The following SNAPC2 variants were observed in gnomAD, a reference collection of about 807,000 sequenced individuals.
SNAPC2 encodes snRNA-activating protein complex subunit 2.
SNAPC2 carries 27 observed loss-of-function variants against 22.9 expected under a neutral mutation model. The ratio of observed to expected loss-of-function variants is 1.18; its 90% CI spans 0.87 to 1.63. The LOEUF (loss-of-function observed/expected upper bound fraction) is 1.63. Ranked by LOEUF, SNAPC2 falls within the 40% of genes most tolerant of loss-of-function variation. The pLI is 0.00. For missense variants in SNAPC2, 570 were observed against 449.1 expected, an observed-to-expected ratio of 1.27 and a Z score of -2.43; for synonymous variants, 272 against 201.0, an observed-to-expected ratio of 1.35 and a Z score of -2.99.
rs1405600865 is a variant in SNAPC2, at chr19:7,922,085, C to T, written c.423C>T (p.Pro141=). ...TEPVTLLHSK[P]PKPTQARGKP... ...CGGTCACCCTCCTGCACTCCAAGCC[C>T]CCCAAGCCCACGCAGGCCCGTGGAA... Residue 141 remains proline, a synonymous_variant, in exon 4 of 5, where the codon CCC becomes CCT. Transcript: ENST00000221573. 2 of 1,613,758 alleles carry T rather than the reference C, an allele frequency of 1.2e-6. No individual in the cohort carries two copies. The highest frequency in any genetic ancestry group is 1.7e-5 in the Admixed American group (1 of 59,970).
At chr19:7,921,824 A>G (rs1260048154) in intron 3 of SNAPC2, 51 bp downstream of exon 3, 3 of 1,573,004 alleles carry the variant, frequency 1.9e-6, no homozygotes, top group Non-Finnish European at 1.7e-6. Context: ...ACAGGGTCAC[A>G]TGGGCCAAAT....
chr19:7,921,140 G>A (rs1599640140), intron 1 of SNAPC2: 3 of 1,361,438 alleles, frequency 2.2e-6, no homozygotes, highest in Non-Finnish European at 2.8e-6. Flanking sequence ...ATAGAGAAGA[G>A]GGGACGAAGA....
In SNAPC2 at chr19:7,922,593, A is replaced by G. The variant is rs576909247; in HGVS notation, c.834A>G (p.Ala278=). Residue 278 remains alanine (A), a synonymous_variant, in exon 5 of 5, where the codon GCA becomes GCG. Transcript: ENST00000221573. Reference sequence around the variant, plus strand: ...CCGCTGGAGGGAGCCTGGGGCCTGCAGCAGAAGGGGATGGGGCTGGCTCCA... The same window carrying G: ...CCGCTGGAGGGAGCCTGGGGCCTGCGGCAGAAGGGGATGGGGCTGGCTCCA... ...PIPAGGSLGP[A]AEGDGAGSKA... is the part of the protein sequence containing the mutation. 2.1e-4 allele frequency: 335 copies of G among 1,613,590 alleles called. 4 individuals are homozygous for G. The South Asian group carries it at 3.5e-3, about 17-fold the overall frequency.
At position 7,920,519 on chromosome 19, in the gene SNAPC2, C is replaced by A. The variant is rs969730084; in HGVS notation, c.153C>A (p.Ala51=). The part of the protein sequence containing the change: ...GQPEPDATEL[A]RELRGRSEAE... Reference sequence around the variant, plus strand: ...CGGAGCCGGACGCCACCGAGCTGGCCCGGGAGCTGCGGGGCCGGAGCGAGG... The same window carrying A: ...CGGAGCCGGACGCCACCGAGCTGGCACGGGAGCTGCGGGGCCGGAGCGAGG... Residue 51 remains alanine (A), a synonymous_variant, in exon 1 of 5, where the codon GCC becomes GCA. Transcript: ENST00000221573. The A allele has an allele frequency of 6.9e-7, 1 of 1,455,146 alleles. No homozygotes were observed. Among genetic ancestry groups the A allele is most frequent in the Non-Finnish European group, 9.0e-7 (1 of 1,112,768 alleles). The allele number at this position is 1,455,146 out of a possible 1,614,324, so 90.1% of individuals were successfully genotyped here.
chr19:7,921,097 G>A (rs1983554614), intron 1 of SNAPC2: 2 of 1,252,288 alleles, frequency 1.6e-6, no homozygotes, highest in African/African-American at 1.6e-5. Context: ...AACGCATGCT[G>A]TTGGACAGGA....
In SNAPC2 at chr19:7,920,501, G is replaced by A; in HGVS notation, c.135G>A (p.Pro45=). ...LLQARQGQPE[P]DATELARELR... is the part of the protein sequence containing the mutation. ...AGGCGCGGCAGGGCCAGCCGGAGCCGGACGCCACCGAGCTGGCCCGGGAGC... is the reference window on the plus strand; with the variant it reads ...AGGCGCGGCAGGGCCAGCCGGAGCCAGACGCCACCGAGCTGGCCCGGGAGC... Residue 45 remains proline, a synonymous_variant, in exon 1 of 5, where the codon CCG becomes CCA. Transcript: ENST00000221573. 6.7e-7 allele frequency: 1 copy of A among 1,497,328 alleles called. No homozygotes were observed. Among genetic ancestry groups the A allele is most frequent in the Non-Finnish European group, 8.8e-7 (1 of 1,131,366 alleles). 92.8% of individuals were successfully genotyped at this position (1,497,328 alleles called of 1,614,324 possible).
chr19:7,922,388 G>A (rs1191847379), intron 4 of SNAPC2, 41 bp downstream of exon 4: 4 of 1,596,170 alleles, frequency 2.5e-6, no homozygotes, highest in South Asian at 1.1e-5. Flanking sequence ...GAGGGATCAA[G>A]GGTCCCTGGC....
chr19:7,920,420 G>A lies in SNAPC2; in HGVS notation c.54G>A (p.Val18=), dbSNP rs1465258043. ...CCCCGGCGCGCTATCTGGGCGAGGT[G>A]ACCGGTCCCGCGACCTGGAGCGCTC... ...RAAPARYLGE[V]TGPATWSARE... is the part of the protein sequence containing the mutation. Residue 18 remains valine (V), a synonymous_variant, in exon 1 of 5, where the codon GTG becomes GTA. Transcript: ENST00000221573. The A allele has an allele frequency of 3.2e-6, 5 of 1,579,718 alleles. No individual in the cohort carries two copies. The highest frequency in any genetic ancestry group is 4.3e-6 in the Non-Finnish European group (5 of 1,171,116).
At position 7,922,666 on chromosome 19, in the gene SNAPC2, G is replaced by T. The variant is rs773946653; in HGVS notation, c.907G>T (p.Glu303Ter). The change falls in exon 5 of 5, where the codon GAA becomes TAA. Residue 303 changes from glutamate to a stop codon, truncating the protein, a stop_gained. Transcript: ENST00000221573. LOFTEE classifies it high-confidence loss of function. ...PPATEKAEHS[E>*]LKSPWQAAGI... ...AGCCACCGAGAAGGCCGAGCACAGC[G>T]AACTGAAATCGCCTTGGCAAGCAGC... 3 of 1,613,582 alleles carry T rather than the reference G, an allele frequency of 1.9e-6. No homozygotes were observed. The highest frequency in any genetic ancestry group is 2.5e-6 in the Non-Finnish European group (3 of 1,179,934).
Position 7,922,433 on chromosome 19 carries a change from A to T in SNAPC2, c.686-12A>T. Reference sequence around the variant, plus strand: ...GGGTGTCCCCTTACCCCTCTCCTCCATCCATCACTAGAGTCCGCTGTGGTC... The same window carrying T: ...GGGTGTCCCCTTACCCCTCTCCTCCTTCCATCACTAGAGTCCGCTGTGGTC... On this transcript the variant is annotated splice_polypyrimidine_tract_variant and intron_variant, in intron 4 of 4. Coordinates refer to ENST00000221573, the MANE Select transcript of SNAPC2 (RefSeq NM_003083.4). The T allele has an allele frequency of 1.9e-6, 3 of 1,581,982 alleles. No homozygotes were observed. The highest frequency in any genetic ancestry group is 2.6e-6 in the Non-Finnish European group (3 of 1,161,876).
chr19:7,920,560 GT>G lies in SNAPC2; in HGVS notation c.183+13del. On this transcript the variant is annotated intron_variant, in intron 1 of 4. Transcript: ENST00000221573. ...CGGAGCGAGGCTGAGGTGAGATGCG[GT>G]TCTCGGGACCGGAGCCAGGCTGGAG... The G allele has an allele frequency of 2.4e-6, 3 of 1,261,560 alleles. No homozygotes were observed. The highest frequency in any genetic ancestry group is 3.1e-6 in the Non-Finnish European group (3 of 978,456). The allele number at this position is 1,261,560 out of a possible 1,614,324, so 78.1% of individuals were successfully genotyped here. A position where few individuals can be genotyped will look rare whatever the true frequency, so the allele number is the denominator to read the frequency against.
At chr19:7,921,043 G>T in intron 1 of SNAPC2, 3 of 1,162,568 alleles carry the variant, frequency 2.6e-6, no homozygotes, top group Non-Finnish European at 3.2e-6. Context: ...CTAAACGGGC[G>T]GAATGAACTG....
chr19:7,921,302 G>C, intron 1 of SNAPC2, 121 bp from the exon 2 acceptor site: 1 of 1,528,726 alleles, frequency 6.5e-7, no homozygotes. Flanking sequence ...CCTAACACCG[G>C]GCCAGCAGGA....
At chr19:7,921,920 C>T (rs1474126342) in intron 3 of SNAPC2, 115 bp from the exon 4 acceptor site, 1 of 1,403,274 alleles carries the variant, frequency 7.1e-7, no homozygotes, top group Non-Finnish European at 9.9e-7. Context: ...GTCCCTGGCT[C>T]TGAGGCCATC....
Position 7,922,331 on chromosome 19 carries a change from C to G in SNAPC2, c.669C>G (p.Pro223=), listed in dbSNP as rs761947467. Residue 223 remains proline, a synonymous_variant, in exon 4 of 5, where the codon CCC becomes CCG. Coordinates refer to ENST00000221573, the MANE Select transcript of SNAPC2 (RefSeq NM_003083.4). ...LSSVSRSGRS[P]ELSAAESAVV... Reference sequence around the variant, plus strand: ...CTGTCTCCCGAAGTGGCCGCAGCCCCGAGCTCTCAGCAGCTGGTGAGAAGG... The same window carrying G: ...CTGTCTCCCGAAGTGGCCGCAGCCCGGAGCTCTCAGCAGCTGGTGAGAAGG... The G allele has an allele frequency of 3.1e-6, 5 of 1,613,282 alleles. No individual in the cohort carries two copies. Among genetic ancestry groups the G allele is most frequent in the African/African-American group, 2.7e-5 (2 of 74,896 alleles).
Position 7,922,566 on chromosome 19 carries a change from T to C in SNAPC2, c.807T>C (p.Ile269=). 1 of 1,613,142 alleles carries C rather than the reference T, an allele frequency of 6.2e-7. No homozygotes were observed. Among genetic ancestry groups the C allele is most frequent in the Non-Finnish European group, 8.5e-7 (1 of 1,179,738 alleles). Residue 269 remains isoleucine (I), a synonymous_variant, in exon 5 of 5, where the codon ATT becomes ATC. Coordinates refer to ENST00000221573, the MANE Select transcript of SNAPC2 (RefSeq NM_003083.4). ...TYLRLTAPQP[I]PAGGSLGPAA... The stretch of plus-strand genomic sequence containing the variant: ...TACGCCTGACAGCCCCCCAGCCCAT[T>C]CCCGCTGGAGGGAGCCTGGGGCCTG...
At position 7,922,211 on chromosome 19, in the gene SNAPC2, C is replaced by T. The variant is rs954391147; in HGVS notation, c.549C>T (p.Asp183=). 1.9e-6 allele frequency: 3 copies of T among 1,614,168 alleles called. No homozygotes were observed. In the African/African-American group the frequency reaches 4.0e-5, roughly 22 times the overall value. ...AAPSSAPRTP[D]PAPEKPSESS... is the part of the protein sequence containing the mutation. Reference sequence around the variant, plus strand: ...CTAGCTCCGCACCCAGGACTCCTGACCCTGCCCCTGAGAAACCTTCTGAGT... The same window carrying T: ...CTAGCTCCGCACCCAGGACTCCTGATCCTGCCCCTGAGAAACCTTCTGAGT... The change falls in exon 4 of 5, where the codon GAC becomes GAT. Residue 183 remains aspartate (D), a synonymous_variant. Transcript: ENST00000221573.
rs754648462 is a variant in SNAPC2, at chr19:7,921,763, C to T, written c.362C>T (p.Ala121Val). ...CCACTGGAAGAAGCCCTGGCAGTGGCTTTCTCGCAGGTACCGCCATTCCCC... is the reference window on the plus strand; with the variant it reads ...CCACTGGAAGAAGCCCTGGCAGTGGTTTTCTCGCAGGTACCGCCATTCCCC... ...TGPLEEALAV[A>V]FSQVLTIAAT... Residue 121 changes from alanine (A) to valine (V), a missense_variant, in exon 3 of 5, where the codon GCT (alanine) becomes GTT (valine). Ala to Val is a moderately conservative substitution (Grantham distance 64). Transcript: ENST00000221573. 27 of 1,612,832 alleles carry T rather than the reference C, an allele frequency of 1.7e-5. No homozygotes were observed. The highest frequency in any genetic ancestry group is 8.9e-5 in the East Asian group (4 of 44,886).
intron 3 of SNAPC2, 115 bp from the exon 4 acceptor site, chr19:7,921,920 C>CT: frequency 7.1e-7 from 1 of 1,403,392 alleles, no homozygotes; most frequent in South Asian, 1.3e-5. Context: ...GTCCCTGGCT[C>CT]TGAGGCCATC....
Sources: gnomAD v4.1 joint callset for allele counts on GRCh38, gnomAD v4.1.1 for gene constraint, MANE v1.5 for transcripts, NCBI Gene and HGNC (gene_info 2026-07-23, HGNC 2026-07-21) for gene names.